Variants in SWT1 observed in about 807,000 individuals in gnomAD.
SWT1 encodes transcriptional protein SWT1.
Under a neutral mutation model 107.3 loss-of-function variants are expected in SWT1, and 33 were observed. The observed-to-expected ratio is 0.31, with a 90% CI of 0.23 to 0.41. SWT1 has a LOEUF of 0.41. SWT1 is among the 10% of genes least tolerant of loss of function. The probability of loss-of-function intolerance (pLI) is 1.00; values close to 1 mark genes in which losing one functional copy is unlikely to be tolerated. For missense variants in SWT1, 898 were observed against 1,028.9 expected (o/e 0.87, Z 1.74); for synonymous variants, 345 against 348.3 (o/e 0.99, Z 0.11).
chr1:185,214,054 A>T (rs1659029148), intron 13 of SWT1, among the ~76,000 whole-genome samples: 1 of 152,166 alleles, frequency 6.6e-6, no homozygotes, highest in African/African-American at 2.4e-5. Context: ...GTTGAAGATA[A>T]ATCACTATGT....
intron 16 of SWT1, among the ~76,000 whole-genome samples, chr1:185,266,229 A>G (rs1359035071): frequency 7.1e-6 from 1 of 141,018 alleles, no homozygotes; most frequent in African/African-American, 2.5e-5. Flanking sequence ...ACGCCCAGCT[A>G]ATTTTTTTGT....
At chr1:185,185,072 G>T in intron 9 of SWT1, 141 bp downstream of exon 9, 1 of 556,904 alleles carries the variant, frequency 1.8e-6, no homozygotes, top group Non-Finnish European at 2.9e-6. Context: ...GATGGTTTGT[G>T]GCTTAGTTTA....
Position 185,166,615 on chromosome 1 carries a change from C to A in SWT1, c.128C>A (p.Ser43Tyr), listed in dbSNP as rs74841171. The change falls in exon 3 of 19, where the codon TCT becomes TAT. Residue 43 changes from serine to tyrosine, a missense_variant. Ser to Tyr is a moderately radical substitution (Grantham distance 144). Around this residue, in one of 6 missense-constraint regions of SWT1, gnomAD observed 382 missense variants for 362.4 expected, o/e 1.05. Coordinates refer to ENST00000367500, the MANE Select transcript of SWT1 (RefSeq NM_017673.7). ...RKTPASSTSS[S>Y]SIRSVSSEKR... ...ACCCCAGCAAGTTCTACTAGTTCAT[C>A]TTCTATAAGATCAGTTTCATCAGAA... 9.8e-4 allele frequency: 1,568 copies of A among 1,604,506 alleles called. 9 individuals are homozygous for A. The African/African-American group carries it at 0.019, about 19-fold the overall frequency.
intron 18 of SWT1, chr1:185,281,642 T>C (rs1664628468): frequency 1.1e-5 from 2 of 183,520 alleles, no homozygotes; most frequent in Non-Finnish European, 2.4e-5. Flanking sequence ...ATACTTGGCC[T>C]TGCTGATCTG....
chr1:185,221,984 C>A lies in SWT1; in HGVS notation c.2257C>A (p.Gln753Lys), dbSNP rs1390115941. Reference protein sequence around the residue: ...SSHLPQPSRHQEIWSILESVW... With the variant: ...SSHLPQPSRHKEIWSILESVW... The stretch of plus-strand genomic sequence containing the variant: ...TCATCTTCCCCAACCCAGCAGGCAT[C>A]AAGAAATCTGGTCTATCCTAGAGAG... The change falls in exon 15 of 19, where the codon CAA becomes AAA. Residue 753 changes from glutamine to lysine, a missense_variant. Physicochemically the swap from Gln to Lys is moderately conservative, Grantham distance 53. Transcript: ENST00000367500. 6.2e-7 allele frequency: 1 copy of A among 1,611,844 alleles called. No homozygotes were observed. Among genetic ancestry groups the A allele is most frequent in the Non-Finnish European group, 8.5e-7 (1 of 1,179,196 alleles).
intron 10 of SWT1, among the ~76,000 whole-genome samples, chr1:185,193,916 G>A (rs186391302): frequency 6.6e-6 from 1 of 152,308 alleles, no homozygotes; most frequent in East Asian, 1.9e-4. Flanking sequence ...TGTGGTAAAG[G>A]CATTGATGAA....
At chr1:185,186,560 C>T (rs886796501) in intron 9 of SWT1, among the ~76,000 whole-genome samples, 1 of 151,644 alleles carries the variant, frequency 6.6e-6, no homozygotes, top group Non-Finnish European at 1.5e-5. Flanking sequence ...CAGGAGGGGA[C>T]ACTATATTTG....
intron 17 of SWT1, among the ~76,000 whole-genome samples, chr1:185,273,179 T>G (rs1664002363): frequency 6.6e-6 from 1 of 152,036 alleles, no homozygotes. Context: ...CCAAGGCAGG[T>G]GGATCACTTG....
chr1:185,224,687 T>C (rs141646991), intron 15 of SWT1, among the ~76,000 whole-genome samples: 52 of 152,306 alleles, frequency 3.4e-4, no homozygotes, highest in African/African-American at 1.2e-3. Context: ...GTAAGATCTT[T>C]CACCTCCTTG....
intron 18 of SWT1, among the ~76,000 whole-genome samples, chr1:185,284,478 C>A (rs148971872): frequency 5.9e-5 from 9 of 152,152 alleles, no homozygotes; most frequent in Non-Finnish European, 1.2e-4. Context: ...AGTTGAGGCA[C>A]AAAATATAAT....
intron 16 of SWT1, among the ~76,000 whole-genome samples, chr1:185,248,352 A>G (rs563745865): frequency 1.4e-3 from 207 of 152,312 alleles, no homozygotes; most frequent in African/African-American, 4.8e-3. Context: ...AAATACATGG[A>G]TTTTCAGAGA....
At chr1:185,215,738 G>T (rs1037132457) in intron 14 of SWT1, among the ~76,000 whole-genome samples, 4 of 151,932 alleles carry the variant, frequency 2.6e-5, no homozygotes, top group African/African-American at 9.7e-5. Flanking sequence ...GCAGAGTTAT[G>T]CCCTAATACC....
At chr1:185,271,508 A>C (rs1663865289) in intron 17 of SWT1, 119 bp downstream of exon 17, 1 of 594,184 alleles carries the variant, frequency 1.7e-6, no homozygotes, top group Admixed American at 3.3e-5. Flanking sequence ...ATTTGCTTTA[A>C]ATTATTGAAT....
At chr1:185,246,397 C>T (rs577687430) in intron 16 of SWT1, among the ~76,000 whole-genome samples, 1 of 152,146 alleles carries the variant, frequency 6.6e-6, no homozygotes, top group South Asian at 2.1e-4. Context: ...CCACCTCAGC[C>T]TCCCGAGTAG....
chr1:185,166,617 T>A lies in SWT1; in HGVS notation c.130T>A (p.Ser44Thr). 1 of 1,605,026 alleles carries A rather than the reference T, an allele frequency of 6.2e-7. No homozygotes were observed. Among genetic ancestry groups the A allele is most frequent in the Non-Finnish European group, 8.5e-7 (1 of 1,173,766 alleles). ...CCCAGCAAGTTCTACTAGTTCATCT[T>A]CTATAAGATCAGTTTCATCAGAAAA... is the stretch of plus-strand genomic sequence containing the variant. Reference protein sequence around the residue: ...KTPASSTSSSSIRSVSSEKRK... With the variant: ...KTPASSTSSSTIRSVSSEKRK... Residue 44 changes from serine (S) to threonine (T), a missense_variant, in exon 3 of 19, where the codon TCT becomes ACT. Physicochemically the swap from Ser to Thr is moderately conservative, Grantham distance 58 (BLOSUM62 1). Coordinates refer to ENST00000367500, the MANE Select transcript of SWT1 (RefSeq NM_017673.7).
At chr1:185,163,587 G>T (rs1654339867) in intron 2 of SWT1, among the ~76,000 whole-genome samples, 1 of 151,942 alleles carries the variant, frequency 6.6e-6, no homozygotes. Context: ...GTAGAGATGG[G>T]GTTTCACTGT....
chr1:185,284,030 C>T (rs781152677), intron 18 of SWT1, among the ~76,000 whole-genome samples: 1 of 152,162 alleles, frequency 6.6e-6, no homozygotes, highest in Non-Finnish European at 1.5e-5. Context: ...GATTCTAATT[C>T]TCAGAAGCTA....
chr1:185,193,684 C>G (rs962465445), intron 10 of SWT1, among the ~76,000 whole-genome samples: 5 of 152,100 alleles, frequency 3.3e-5, no homozygotes, highest in African/African-American at 1.2e-4. Context: ...CCAGGATGAT[C>G]TTGATCTCCT....
intron 16 of SWT1, among the ~76,000 whole-genome samples, chr1:185,244,569 G>A (rs1337014993): frequency 6.6e-6 from 1 of 152,102 alleles, no homozygotes; most frequent in Non-Finnish European, 1.5e-5. Context: ...GAGTCAGTGG[G>A]TGGGTGGTGA....
Sources: gnomAD v4.1 joint callset for allele counts (sites outside exome capture counted in the v4.1 genomes callset) on GRCh38, gnomAD v4.1.1 for gene constraint, gnomAD v4.1.1 regional missense constraint, MANE v1.5 for transcripts, NCBI Gene and HGNC (gene_info 2026-07-23, HGNC 2026-07-21) for gene names.